The following DLG1 variants were observed in gnomAD, a reference collection of about 807,000 sequenced individuals.
The protein encoded by DLG1 is disks large homolog 1.
DLG1 carries 42 observed loss-of-function variants against 123.4 expected under a neutral mutation model. The observed-to-expected ratio is 0.34, with a 90% CI of 0.27 to 0.44. DLG1 has a LOEUF of 0.44. Ranked by LOEUF, DLG1 falls within the 20% of genes least tolerant of loss-of-function variation. DLG1 has a pLI of 1.00. For synonymous variants in DLG1, 317 were observed against 356.2 expected (o/e 0.89, Z 1.24); for missense variants, 942 against 1,082.6 (o/e 0.87, Z 1.82).
intron 4 of DLG1, among the ~76,000 whole-genome samples, chr3:197,264,073 TAAC>T (rs763617030): frequency 7.9e-5 from 12 of 152,324 alleles, no homozygotes; most frequent in African/African-American, 1.2e-4. Context: ...TATAATTACT[TAAC>T]AACACATTAA....
rs1180819739 is a variant in DLG1, at chr3:197,131,467, G to A, written c.1021-796C>T. Among the ~76,000 whole-genome samples the A allele has an allele frequency of 4.0e-5, 6 of 150,886 alleles. No homozygotes were observed. The East Asian group carries it at 1.2e-3, about 30-fold the overall frequency. ...GTATAGAAATATAACTGATTTTTAG[G>A]TAGTGATGTATCCTGCAACCAATAC... On this transcript the variant is annotated intron_variant, in intron 10 of 24. Coordinates refer to ENST00000667157, the MANE Select transcript of DLG1 (RefSeq NM_001366207.1).
rs1446380068 is a variant in DLG1, at chr3:197,130,565, T to A, written c.1127A>T (p.Tyr376Phe). ...AGGTGGTGCATAGCCATCATTCATA[T>A]ACATACTTGTGGGTTTTGCCACTTT... ...YLKVAKPTSM[Y>F]MNDGYAPPDI... Residue 376 changes from tyrosine to phenylalanine, a missense_variant, in exon 11 of 25, where the codon TAT (tyrosine) becomes TTT (phenylalanine). Coordinates refer to ENST00000667157, the MANE Select transcript of DLG1 (RefSeq NM_001366207.1). The A allele has an allele frequency of 6.2e-7, 1 of 1,612,962 alleles. No homozygotes were observed. Among genetic ancestry groups the A allele is most frequent in the Admixed American group, 1.7e-5 (1 of 59,966 alleles).
chr3:197,052,578 G>A (rs1319871597), intron 23 of DLG1, among the ~76,000 whole-genome samples: 1 of 152,220 alleles, frequency 6.6e-6, no homozygotes, highest in Admixed American at 6.5e-5. Context: ...CATCAGCTCA[G>A]TGTAGCCAAA....
chr3:197,297,957 G>A (rs893432122), intron 1 of DLG1: 2 of 979,876 alleles, frequency 2.0e-6, no homozygotes, highest in South Asian at 4.7e-5. Flanking sequence ...GCTCCCCTGG[G>A]CCGCCGCACC....
intron 5 of DLG1, among the ~76,000 whole-genome samples, chr3:197,176,980 T>A (rs150756459): frequency 0.011 from 1,631 of 151,460 alleles, 31 homozygotes; most frequent in African/African-American, 0.037. Context: ...TTATATTATT[T>A]TTTATTTATT....
At chr3:197,093,038 C>A (rs7632278) in intron 14 of DLG1, among the ~76,000 whole-genome samples, 116,255 of 152,084 alleles carry the variant, frequency 0.76, 44,619 homozygotes, top group East Asian at 0.82. Flanking sequence ...CCTTATATGT[C>A]AACATTTAAA....
intron 5 of DLG1, chr3:197,184,233 T>G: frequency 2.0e-6 from 1 of 492,724 alleles, no homozygotes; most frequent in Non-Finnish European, 2.7e-6. Flanking sequence ...CCTGATTTAA[T>G]GCACTGCGTG....
At chr3:197,163,659 T>TGACA (rs907774677) in intron 5 of DLG1, among the ~76,000 whole-genome samples, 3 of 149,964 alleles carry the variant, frequency 2.0e-5, no homozygotes, top group African/African-American at 4.9e-5. Flanking sequence ...GTAGCTGGGA[T>TGACA]GACAGGCACC....
rs945685440 is a variant in DLG1, at chr3:197,229,155, A to G, written c.319-34566T>C. ...AGCTTTCCACAACAAAGAATGATCT[A>G]GCCCAAAAATCAAGGATGCCTAAAT... On this transcript the variant is annotated intron_variant, in intron 4 of 24. Coordinates refer to ENST00000667157, the MANE Select transcript of DLG1 (RefSeq NM_001366207.1). Among the ~76,000 whole-genome samples the G allele has an allele frequency of 2.6e-5, 4 of 152,184 alleles. No homozygotes were observed. The East Asian group carries it at 7.7e-4, about 29-fold the overall frequency.
At chr3:197,298,443 C>A (rs1015613941) in intron 1 of DLG1, 93 bp downstream of exon 1, 4 of 398,766 alleles carry the variant, frequency 1.0e-5, no homozygotes, top group Non-Finnish European at 4.4e-6. Flanking sequence ...CGGCGCGTCC[C>A]GCAGTTCCGA....
At chr3:197,236,566 A>G (rs1306007063) in intron 4 of DLG1, among the ~76,000 whole-genome samples, 2 of 152,170 alleles carry the variant, frequency 1.3e-5, no homozygotes, top group Non-Finnish European at 2.9e-5. Flanking sequence ...AGTCCAAACT[A>G]CTCAGCTCAG....
chr3:197,044,604 A>T lies in DLG1; in HGVS notation c.*19T>A. ...AGAAAATGGAATTGTGGAAAAGAGA[A>T]ACAGAGAAACATGAGTTTTCATAGC... On this transcript the variant is annotated 3_prime_UTR_variant, in exon 25 of 25. Coordinates refer to ENST00000667157, the MANE Select transcript of DLG1 (RefSeq NM_001366207.1). 1 of 1,543,578 alleles carries T rather than the reference A, an allele frequency of 6.5e-7. No individual in the cohort carries two copies.
chr3:197,050,271 G>C (rs1166365854), intron 24 of DLG1, among the ~76,000 whole-genome samples: 3 of 151,984 alleles, frequency 2.0e-5, no homozygotes, highest in Non-Finnish European at 2.9e-5. Flanking sequence ...GGAGGCTGAG[G>C]CAGGAGAATG....
At chr3:197,198,074 T>C (rs745620404) in intron 4 of DLG1, among the ~76,000 whole-genome samples, 7 of 152,010 alleles carry the variant, frequency 4.6e-5, no homozygotes, top group African/African-American at 1.7e-4. Flanking sequence ...ATCTTGGATA[T>C]GACATTAAAA....
At chr3:197,154,599 C>T (rs547487743) in intron 5 of DLG1, among the ~76,000 whole-genome samples, 53 of 151,544 alleles carry the variant, frequency 3.5e-4, no homozygotes, top group African/African-American at 1.1e-3. Flanking sequence ...GGCGTGAACC[C>T]GGGAGGCGGA....
intron 4 of DLG1, among the ~76,000 whole-genome samples, chr3:197,209,953 T>A (rs1231131375): frequency 6.8e-6 from 1 of 146,592 alleles, no homozygotes; most frequent in African/African-American, 2.4e-5. Context: ...AGGGTTAACA[T>A]CATCCATGAC....
intron 4 of DLG1, among the ~76,000 whole-genome samples, chr3:197,213,460 T>C (rs563162778): frequency 1.6e-4 from 24 of 152,306 alleles, no homozygotes; most frequent in African/African-American, 5.8e-4. Context: ...AGGAAAATAC[T>C]CTGTATCTCA....
At chr3:197,148,438 A>C (rs1792223413) in intron 6 of DLG1, among the ~76,000 whole-genome samples, 1 of 149,702 alleles carries the variant, frequency 6.7e-6, no homozygotes, top group Non-Finnish European at 1.5e-5. Flanking sequence ...AAAAAGAGAG[A>C]GAATACATAG....
chr3:197,286,454 A>G (rs1392473395), intron 3 of DLG1, among the ~76,000 whole-genome samples: 1 of 152,300 alleles, frequency 6.6e-6, no homozygotes, highest in East Asian at 1.9e-4. Flanking sequence ...GCAGTTCACG[A>G]CAGGGTTCAT....
Sources: gnomAD v4.1 joint callset for allele counts (sites outside exome capture counted in the v4.1 genomes callset) on GRCh38, gnomAD v4.1.1 for gene constraint, MANE v1.5 for transcripts, NCBI Gene and HGNC (gene_info 2026-07-23, HGNC 2026-07-21) for gene names.